PTPRA: variants seen among roughly 807,000 people sequenced by gnomAD.
The protein encoded by PTPRA is receptor-type tyrosine-protein phosphatase alpha.
A neutral mutation model predicts 104.8 loss-of-function variants in PTPRA; 25 were observed. The ratio of observed to expected loss-of-function variants is 0.24; its 90% confidence interval spans 0.17 to 0.33. PTPRA has a LOEUF of 0.33. Among genes scored for constraint, PTPRA ranks in the 10% least tolerant of loss-of-function variants. The pLI, the probability that PTPRA is intolerant of heterozygous loss-of-function variation, is 1.00. For synonymous variants in PTPRA, 323 were observed against 368.9 expected (o/e 0.88, Z 1.43); for missense variants, 765 against 1,015.3 (o/e 0.75, Z 3.35).
At chr20:2,884,015 T>A (rs1568638174) in intron 1 of PTPRA, among the ~76,000 whole-genome samples, 1 of 152,214 alleles carries the variant, frequency 6.6e-6, no homozygotes, top group Non-Finnish European at 1.5e-5. Context: ...GTAGCTGGCT[T>A]CTTTTACTTA....
At chr20:2,878,335 C>A (rs570315569) in intron 1 of PTPRA, among the ~76,000 whole-genome samples, 1 of 152,228 alleles carries the variant, frequency 6.6e-6, no homozygotes, top group African/African-American at 2.4e-5. Context: ...ATCTCAGCCA[C>A]CTGAATAGCT....
At chr20:2,985,344 G>A (rs1252442306) in intron 6 of PTPRA, among the ~76,000 whole-genome samples, 1 of 152,228 alleles carries the variant, frequency 6.6e-6, no homozygotes, top group African/African-American at 2.4e-5. Context: ...GAGACGCGAG[G>A]CTGGTGGTAG....
chr20:3,014,437 A>G (rs566654641), intron 11 of PTPRA, among the ~76,000 whole-genome samples: 1 of 152,212 alleles, frequency 6.6e-6, no homozygotes, highest in African/African-American at 2.4e-5. Context: ...CAGGAATTCG[A>G]GAGCAGCGTG....
intron 9 of PTPRA, among the ~76,000 whole-genome samples, chr20:3,003,960 G>C (rs565710576): frequency 6.6e-6 from 1 of 152,216 alleles, no homozygotes; most frequent in East Asian, 1.9e-4. Flanking sequence ...CTTATTCTTT[G>C]CTACACATGA....
intron 2 of PTPRA, among the ~76,000 whole-genome samples, chr20:2,943,359 C>A (rs925489362): frequency 2.0e-5 from 3 of 151,748 alleles, no homozygotes; most frequent in Non-Finnish European, 4.4e-5. Flanking sequence ...GGCTGGAGAC[C>A]CAGGAAGGAA....
At chr20:3,019,634 C>T (rs1336028987) in intron 13 of PTPRA, among the ~76,000 whole-genome samples, 8 of 151,962 alleles carry the variant, frequency 5.3e-5, no homozygotes, top group Middle Eastern at 3.4e-3. Flanking sequence ...AGACGATGGG[C>T]GGCCGGGCAG....
In PTPRA at chr20:2,899,184, A is replaced by G. The variant is rs554270528; in HGVS notation, c.-128-24023A>G. Among the ~76,000 whole-genome samples the G allele has an allele frequency of 4.6e-5, 7 of 152,346 alleles. No individual in the cohort carries two copies. The East Asian group carries it at 9.6e-4, about 21-fold the overall frequency. On this transcript the variant is annotated intron_variant, in intron 1 of 23. Transcript: ENST00000399903. ...ACCCCATCTCTACCAAAAAACACAA[A>G]AAGTAGCCAGGCGTGGTGACACGCA...
intron 9 of PTPRA, among the ~76,000 whole-genome samples, chr20:2,992,374 A>G (rs557675615): frequency 1.3e-5 from 2 of 152,104 alleles, no homozygotes; most frequent in African/African-American, 4.8e-5. Flanking sequence ...AAAATTAGCC[A>G]GGCATGGTGG....
At chr20:2,959,226 A>G (rs780720249) in intron 3 of PTPRA, among the ~76,000 whole-genome samples, 5 of 152,156 alleles carry the variant, frequency 3.3e-5, no homozygotes, top group African/African-American at 9.7e-5. Flanking sequence ...TTCCATCACC[A>G]TGCATTTGTT....
At chr20:3,017,251 A>T (rs2148391258) in intron 12 of PTPRA, among the ~76,000 whole-genome samples, 1 of 152,294 alleles carries the variant, frequency 6.6e-6, no homozygotes, top group Middle Eastern at 3.4e-3. Flanking sequence ...CAGAGTTATC[A>T]TTCTAAGACC....
chr20:2,974,476 G>T (rs1431044560), intron 5 of PTPRA, among the ~76,000 whole-genome samples: 1 of 151,652 alleles, frequency 6.6e-6, no homozygotes, highest in Non-Finnish European at 1.5e-5. Context: ...ACCTAGGCTG[G>T]AGTACAGTGG....
chr20:2,875,880 G>A (rs970610661), intron 1 of PTPRA, among the ~76,000 whole-genome samples: 4 of 152,142 alleles, frequency 2.6e-5, no homozygotes, highest in African/African-American at 9.7e-5. Context: ...GGACGGGGGG[G>A]CCTTCGGATC....
intron 1 of PTPRA, among the ~76,000 whole-genome samples, chr20:2,913,315 T>G (rs1316112212): frequency 1.3e-5 from 2 of 152,032 alleles, no homozygotes. Context: ...GAGGCGGAGG[T>G]TGCAGTGAGC....
At chr20:3,007,287 A>G in intron 10 of PTPRA, 57 bp from the exon 11 acceptor site, 2 of 1,532,604 alleles carry the variant, frequency 1.3e-6, no homozygotes, top group Non-Finnish European at 1.8e-6. Flanking sequence ...TGGTTGCGTC[A>G]GGTTCTGTGA....
upstream of PTPRA, among the ~76,000 whole-genome samples, chr20:2,870,058 C>T (rs2089409965): frequency 8.6e-6 from 1 of 115,838 alleles, no homozygotes; most frequent in Non-Finnish European, 1.7e-5. Flanking sequence ...CTCTTAGATA[C>T]AAAGTTCCAG....
At chr20:3,007,242 G>A (rs1302679084) in intron 10 of PTPRA, 102 bp from the exon 11 acceptor site, 1 of 1,123,798 alleles carries the variant, frequency 8.9e-7, no homozygotes. Context: ...ACAAGCGTGA[G>A]TCTGTGCACA....
At chr20:2,900,367 G>A (rs984483475) in intron 1 of PTPRA, among the ~76,000 whole-genome samples, 1 of 151,978 alleles carries the variant, frequency 6.6e-6, no homozygotes, top group African/African-American at 2.4e-5. Context: ...GACTATGTAG[G>A]CCATTTTCTT....
chr20:2,895,627 G>A (rs921677097), intron 1 of PTPRA, among the ~76,000 whole-genome samples: 2 of 151,874 alleles, frequency 1.3e-5, no homozygotes, highest in Admixed American at 1.3e-4. Context: ...AGCAATTCTC[G>A]TGCCTCAGCC....
intron 7 of PTPRA, 144 bp from the exon 8 acceptor site, chr20:2,987,888 G>A (rs1415666408): frequency 1.2e-6 from 1 of 800,344 alleles, no homozygotes; most frequent in Non-Finnish European, 2.2e-6. Context: ...GCTGCCTCAG[G>A]GTGTGCATGA....
Sources: gnomAD v4.1 joint callset for allele counts (sites outside exome capture counted in the v4.1 genomes callset) on GRCh38, gnomAD v4.1.1 for gene constraint, MANE v1.5 for transcripts, NCBI Gene and HGNC (gene_info 2026-07-23, HGNC 2026-07-21) for gene names.